Variants in SIGLEC9 observed in about 807,000 individuals in gnomAD.
SIGLEC9 encodes sialic acid binding Ig like lectin 9, also known as sialic acid-binding Ig-like lectin 9.
Under a neutral mutation model 38.3 loss-of-function variants are expected in SIGLEC9, and 26 were observed. The observed-to-expected ratio is 0.68, with a 90% confidence interval of 0.50 to 0.94. The LOEUF (loss-of-function observed/expected upper bound fraction) is 0.94, where lower values mean the gene tolerates loss of function less well. Ranked by LOEUF, SIGLEC9 falls within the 40% of genes least tolerant of loss-of-function variation. SIGLEC9 has a pLI of 0.00. For missense variants in SIGLEC9, 556 were observed against 585.7 expected (o/e 0.95, Z 0.52); for synonymous variants, 236 against 248.0 (o/e 0.95, Z 0.45).
In SIGLEC9 at chr19:51,125,650, C is replaced by T. The variant is rs753719602; in HGVS notation, c.475C>T (p.Pro159Ser). ...CCCAGGCACCCTGGAGTCCGGCTGC[C>T]CCCAGAATCTGACCTGCTCTGTGCC... ...LIPGTLESGC[P>S]QNLTCSVPWA... The change falls in exon 2 of 7, where the codon CCC becomes TCC. Residue 159 changes from proline (P) to serine (S), a missense_variant. Coordinates refer to ENST00000250360, the MANE Select transcript of SIGLEC9 (RefSeq NM_014441.3). The T allele has an allele frequency of 6.2e-7, 1 of 1,613,556 alleles. No homozygotes were observed. The highest frequency in any genetic ancestry group is 2.2e-5 in the East Asian group (1 of 44,866).
chr19:51,134,713 C>T (rs1336626548), downstream of SIGLEC9, among the ~76,000 whole-genome samples: 2 of 151,884 alleles, frequency 1.3e-5, no homozygotes, highest in African/African-American at 2.4e-5. Flanking sequence ...TAGGAATTTT[C>T]GTATCTCAAT....
upstream of SIGLEC9, among the ~76,000 whole-genome samples, chr19:51,121,501 C>T (rs2091950061): frequency 6.6e-6 from 1 of 152,076 alleles, no homozygotes; most frequent in Admixed American, 6.6e-5. Flanking sequence ...GCTGTAACTT[C>T]CCTTCCTGAA....
downstream of SIGLEC9, among the ~76,000 whole-genome samples, chr19:51,132,097 C>T (rs889130130): frequency 2.0e-5 from 3 of 152,100 alleles, no homozygotes; most frequent in African/African-American, 7.2e-5. Flanking sequence ...AGAGAGTTCT[C>T]ACTCTGTTAC....
chr19:51,133,296 G>C (rs1005661668), downstream of SIGLEC9, among the ~76,000 whole-genome samples: 1 of 152,012 alleles, frequency 6.6e-6, no homozygotes, highest in Admixed American at 6.6e-5. Flanking sequence ...TAGGTGGTCG[G>C]GCGCGGTGGC....
At chr19:51,127,830 G>A in intron 4 of SIGLEC9, 119 bp from the exon 5 acceptor site, 1 of 657,024 alleles carries the variant, frequency 1.5e-6, no homozygotes, top group Non-Finnish European at 2.7e-6. Flanking sequence ...TCTCATTCCT[G>A]TTCTTTGTGT....
At chr19:51,128,131 G>C in intron 5 of SIGLEC9, 92 bp downstream of exon 5, 1 of 1,070,664 alleles carries the variant, frequency 9.3e-7, no homozygotes, top group South Asian at 1.3e-5. Flanking sequence ...GGAGGGACCT[G>C]GATGGGTCAA....
At chr19:51,134,158 T>TC (rs796915789), downstream of SIGLEC9, among the ~76,000 whole-genome samples, 3 of 129,724 alleles carry the variant, frequency 2.3e-5, no homozygotes, top group East Asian at 2.2e-4. Flanking sequence ...TTTTTTTTTT[T>TC]TTTTTTTTTT....
upstream of SIGLEC9, among the ~76,000 whole-genome samples, chr19:51,124,407 C>T (rs2122831376): frequency 6.6e-6 from 1 of 152,246 alleles, no homozygotes; most frequent in African/African-American, 2.4e-5. Flanking sequence ...ACGTCAGGAG[C>T]CTCCATGTCT....
At chr19:51,124,314 T>C (rs1236695669), upstream of SIGLEC9, among the ~76,000 whole-genome samples, 1 of 151,898 alleles carries the variant, frequency 6.6e-6, no homozygotes, top group Non-Finnish European at 1.5e-5. Flanking sequence ...TCAGTCCTCC[T>C]GAGATTGAAC....
chr19:51,131,081 G>C (rs527803878), downstream of SIGLEC9, among the ~76,000 whole-genome samples: 4 of 152,104 alleles, frequency 2.6e-5, no homozygotes, highest in African/African-American at 9.7e-5. Context: ...AGGGGCACAG[G>C]ATCATCTGGC....
chr19:51,125,594 C>A lies in SIGLEC9; in HGVS notation c.422-3C>A, dbSNP rs773615080. 6.2e-7 allele frequency: 1 copy of A among 1,609,564 alleles called. No individual in the cohort carries two copies. The highest frequency in any genetic ancestry group is 1.1e-5 in the South Asian group (1 of 91,088). On this transcript the variant is annotated splice_polypyrimidine_tract_variant and splice_region_variant and intron_variant, in intron 1 of 6. Transcript: ENST00000250360. ...TGATCCTGAGTCCCCCTCTCTTCAC[C>A]AGCCTTGACCCACAGGCCCAACATC...
rs754747568 is a variant in SIGLEC9 at position 51,128,516 on chromosome 19, T to C, written c.1203+6T>C. The C allele has an allele frequency of 2.9e-5, 46 of 1,612,002 alleles. No individual in the cohort carries two copies. Among genetic ancestry groups the C allele is most frequent in the Non-Finnish European group, 3.6e-5 (42 of 1,178,410 alleles). ...TCAGGGGTTCAGCCTCTCAGGTGAGTGATGTGGACTCTCCACAGCCAGCAT... is the reference window on the plus strand; with the variant it reads ...TCAGGGGTTCAGCCTCTCAGGTGAGCGATGTGGACTCTCCACAGCCAGCAT... On this transcript the variant is annotated splice_donor_region_variant and intron_variant, in intron 6 of 6. Transcript: ENST00000250360.
At chr19:51,123,487 C>T (rs2091955993), upstream of SIGLEC9, among the ~76,000 whole-genome samples, 4 of 152,228 alleles carry the variant, frequency 2.6e-5, no homozygotes, top group Admixed American at 2.6e-4. Context: ...CTGACCATTG[C>T]AGTTGAGATG....
intron 4 of SIGLEC9, 59 bp from the exon 5 acceptor site, chr19:51,127,887 GGGA>G: frequency 4.2e-6 from 4 of 944,080 alleles, no homozygotes; most frequent in South Asian, 4.1e-5. Context: ...TACAGGAAGT[GGGA>G]GGAGAAGAGA....
chr19:51,120,749 C>T (rs150976070), upstream of SIGLEC9: 140 of 189,392 alleles, frequency 7.4e-4, no homozygotes, highest in Non-Finnish European at 1.4e-3. This position sits in a 1 kb window ranked among gnomAD's most constrained non-coding sequence, Gnocchi z 4.1. Flanking sequence ...AACCATCCAG[C>T]TCAATGTCTC....
downstream of SIGLEC9, among the ~76,000 whole-genome samples, chr19:51,131,585 CA>C (rs1160571544): frequency 8.8e-5 from 13 of 147,452 alleles, no homozygotes; most frequent in Non-Finnish European, 1.2e-4. Context: ...GACTCCGTCT[CA>C]AAAAAAATAA....
chr19:51,132,573 G>C (rs1175952292), downstream of SIGLEC9, among the ~76,000 whole-genome samples: 1 of 152,124 alleles, frequency 6.6e-6, no homozygotes. Context: ...TGGACATTTT[G>C]GTTTAACAAA....
downstream of SIGLEC9, among the ~76,000 whole-genome samples, chr19:51,133,406 C>T (rs1172230652): frequency 7.7e-6 from 1 of 130,528 alleles, no homozygotes; most frequent in Non-Finnish European, 1.6e-5. Flanking sequence ...AACACCATCT[C>T]TACCAAAAAT....
chr19:51,130,393 CACATCCCGTT>C (rs367840445), downstream of SIGLEC9: 3,727 of 238,548 alleles, frequency 0.016, 136 homozygotes, highest in African/African-American at 0.079. Flanking sequence ...TTCCAGGAGT[CACATCCCGTT>C]AGAGCTCCTG....
Sources: allele counts gnomAD v4.1 joint callset (sites outside exome capture counted in the v4.1 genomes callset), GRCh38; gene constraint gnomAD v4.1.1; non-coding constraint Gnocchi (gnomAD v3.1); transcripts MANE v1.5; gene names NCBI Gene and HGNC (gene_info 2026-07-23, HGNC 2026-07-21).